The following FGF14 variants were observed in gnomAD, a reference collection of about 807,000 sequenced individuals.
The protein encoded by FGF14 is fibroblast growth factor 14.
In FGF14, 5 loss-of-function variants were observed where a neutral mutation model predicts 25.5. The ratio of observed to expected loss-of-function variants is 0.20; its 90% CI spans 0.10 to 0.41. FGF14 has a LOEUF of 0.41. Ranked by LOEUF, FGF14 falls within the 10% of genes least tolerant of loss-of-function variation. The pLI is 1.00. For synonymous variants in FGF14, 138 were observed against 118.3 expected, an observed-to-expected ratio of 1.17 and a Z score of -1.08; for missense variants, 222 against 320.1, an observed-to-expected ratio of 0.69 and a Z score of 2.34.
At chr13:102,370,608 A>T (rs1190700965) in intron 1 of FGF14, among the ~76,000 whole-genome samples, 1 of 152,154 alleles carries the variant, frequency 6.6e-6, no homozygotes, top group Non-Finnish European at 1.5e-5. Context: ...TCAAAGACAA[A>T]GGTTAATTTT....
chr13:101,789,825 T>C (rs1428265452), intron 3 of FGF14, among the ~76,000 whole-genome samples: 1 of 91,048 alleles, frequency 1.1e-5, no homozygotes, highest in Non-Finnish European at 2.4e-5. Context: ...GGACTTTTTA[T>C]TAAAAAGCTT....
chr13:101,821,098 G>A (rs1423489023), intron 3 of FGF14, among the ~76,000 whole-genome samples: 21 of 148,960 alleles, frequency 1.4e-4, no homozygotes, highest in Non-Finnish European at 2.4e-4. Flanking sequence ...ACAGGCGCCC[G>A]CTACCACGCC....
intron 1 of FGF14, among the ~76,000 whole-genome samples, chr13:102,006,776 C>T (rs1384256421): frequency 9.2e-6 from 1 of 108,556 alleles, no homozygotes; most frequent in African/African-American, 3.8e-5. Context: ...CTCGCTCTGT[C>T]GCCCAGGTCG....
chr13:101,919,986 G>A (rs547799279), upstream of FGF14, among the ~76,000 whole-genome samples: 6 of 152,254 alleles, frequency 3.9e-5, no homozygotes, highest in South Asian at 1.0e-3. Flanking sequence ...CTATTTTAAG[G>A]GATCTTGGAG....
Position 101,791,401 on chromosome 13 carries a change from G to A in FGF14, c.409-64591C>T, listed in dbSNP as rs147319120. On this transcript the variant is annotated intron_variant, in intron 3 of 4. Coordinates refer to ENST00000376143, the MANE Select transcript of FGF14 (RefSeq NM_004115.4). ...CCTAACCTTTACATTACATTTTTTT[G>A]TAAGTTTTGAAGTCTCACCTTATTT... 4.4e-3 allele frequency among the ~76,000 whole-genome samples: 665 copies of A among 152,086 alleles called. 4 individuals are homozygous for A. The highest frequency in any genetic ancestry group is 7.4e-3 in the Non-Finnish European group (505 of 67,978).
intron 1 of FGF14, among the ~76,000 whole-genome samples, chr13:102,377,097 T>C (rs1015174958): frequency 1.2e-4 from 18 of 152,246 alleles, no homozygotes; most frequent in Non-Finnish European, 8.8e-5. Context: ...CTTTTTTTTT[T>C]TTCCTAAGAA....
At chr13:102,397,892 C>T (rs569349892) in intron 1 of FGF14, among the ~76,000 whole-genome samples, 14 of 152,276 alleles carry the variant, frequency 9.2e-5, no homozygotes, top group Admixed American at 2.6e-4. Context: ...TTAGTATTCC[C>T]TATTTAATGA....
At chr13:101,956,584 C>G (rs751566539) in intron 1 of FGF14, among the ~76,000 whole-genome samples, 5 of 151,992 alleles carry the variant, frequency 3.3e-5, no homozygotes, top group Non-Finnish European at 7.4e-5. Flanking sequence ...ATACAAACAA[C>G]AATAACGATG....
intron 1 of FGF14, among the ~76,000 whole-genome samples, chr13:102,098,747 G>A (rs187996245): frequency 1.4e-4 from 21 of 152,252 alleles, no homozygotes. Context: ...GACCTATCAG[G>A]GGACATTGAC....
intron 3 of FGF14, among the ~76,000 whole-genome samples, chr13:101,729,019 G>T (rs538053322): frequency 6.6e-6 from 1 of 152,232 alleles, no homozygotes; most frequent in East Asian, 1.9e-4. Flanking sequence ...TGTAGAGGAA[G>T]TAATTTATTC....
intron 1 of FGF14, among the ~76,000 whole-genome samples, chr13:102,149,239 T>A (rs2046979373): frequency 6.6e-6 from 1 of 152,000 alleles, no homozygotes; most frequent in Admixed American, 6.5e-5. Flanking sequence ...AATAAATGTT[T>A]GGAACACTCA....
chr13:102,226,929 C>T lies in FGF14; in HGVS notation c.208+174542G>A, dbSNP rs570885162. Among the ~76,000 whole-genome samples, 6 of 152,152 alleles carry T rather than the reference C, an allele frequency of 3.9e-5. No homozygotes were observed. In the East Asian group the frequency reaches 9.6e-4, roughly 24 times the overall value. ...TTTCTACAGAAAATGGTTAATGGTA[C>T]CAATTTTTAAACTTGACATCCTAGC... On this transcript the variant is annotated intron_variant, in intron 1 of 4. Coordinates refer to the FGF14 transcript ENST00000376131.
chr13:102,253,458 TA>T (rs1206438509), intron 1 of FGF14, among the ~76,000 whole-genome samples: 1 of 152,358 alleles, frequency 6.6e-6, no homozygotes, highest in African/African-American at 2.4e-5. Flanking sequence ...TTTGGCTGCA[TA>T]AATGTCTTCT....
chr13:102,248,249 T>C (rs9300726), intron 1 of FGF14, among the ~76,000 whole-genome samples: 21,051 of 152,130 alleles, frequency 0.14, 1,816 homozygotes, highest in East Asian at 0.39. Context: ...AAAATAAAAG[T>C]TTTTTTAAAA....
At chr13:102,248,107 G>A (rs2141056602) in intron 1 of FGF14, among the ~76,000 whole-genome samples, 1 of 152,100 alleles carries the variant, frequency 6.6e-6, no homozygotes, top group South Asian at 2.1e-4. Flanking sequence ...TGTGGGAGGA[G>A]GGAGAGGAAC....
chr13:101,716,831 T>G lies in FGF14; in HGVS notation c.*6000A>C, dbSNP rs905067872. ...ATCTAGAAATGGCTTAAATAGAAAT[T>G]ACAAATATTCACTCAGTGATAGGAA... is the stretch of plus-strand genomic sequence containing the variant. On this transcript the variant is annotated 3_prime_UTR_variant, in exon 5 of 5. Coordinates refer to ENST00000376143, the MANE Select transcript of FGF14 (RefSeq NM_004115.4). 10 of 151,360 alleles carry G rather than the reference T, an allele frequency of 6.6e-5. No individual in the cohort carries two copies. The highest frequency in any genetic ancestry group is 2.4e-4 in the African/African-American group (10 of 41,164). 9.4% of individuals were successfully genotyped at this position (151,360 alleles called of 1,614,324 possible).
intron 1 of FGF14, among the ~76,000 whole-genome samples, chr13:101,914,819 A>T (rs969748132): frequency 6.6e-6 from 1 of 152,150 alleles, no homozygotes; most frequent in East Asian, 1.9e-4. Flanking sequence ...TAGACAGCCA[A>T]TTTGGAGCTG....
chr13:102,234,151 T>C (rs9518673), intron 1 of FGF14, among the ~76,000 whole-genome samples: 55,393 of 106,186 alleles, frequency 0.52, 13,737 homozygotes, highest in African/African-American at 0.6. Flanking sequence ...CCACCATCAA[T>C]GTGAAGGTAC....
At chr13:102,331,861 A>G (rs772060869) in intron 1 of FGF14, among the ~76,000 whole-genome samples, 3 of 152,216 alleles carry the variant, frequency 2.0e-5, no homozygotes, top group African/African-American at 4.8e-5. Flanking sequence ...GCATTAAGAA[A>G]ATCCTTCCCC....
Sources: gnomAD v4.1 joint callset for allele counts (sites outside exome capture counted in the v4.1 genomes callset) on GRCh38, gnomAD v4.1.1 for gene constraint, MANE v1.5 for transcripts, NCBI Gene and HGNC (gene_info 2026-07-23, HGNC 2026-07-21) for gene names.